MCM7: variants seen among roughly 807,000 people sequenced by gnomAD.
MCM7 encodes the protein minichromosome maintenance complex component 7.
Under a neutral mutation model 83.5 loss-of-function variants are expected in MCM7, and 95 were observed. The observed-to-expected ratio is 1.14, with a 90% confidence interval of 0.96 to 1.35. The LOEUF (loss-of-function observed/expected upper bound fraction) is 1.35, where lower values mean the gene tolerates loss of function less well. Ranked by LOEUF, MCM7 falls within the 40% of genes most tolerant of loss-of-function variation. The pLI is 0.00. For missense variants in MCM7, 1,087 were observed against 957.4 expected, an observed-to-expected ratio of 1.14 and a Z score of -1.79; for synonymous variants, 461 against 352.7, an observed-to-expected ratio of 1.31 and a Z score of -3.44.
At chr7:100,096,340 C>T (rs1435746315) in intron 10 of MCM7, among the ~76,000 whole-genome samples, 173 bp from the exon 11 acceptor site, 4 of 152,154 alleles carry the variant, frequency 2.6e-5, no homozygotes, top group African/African-American at 9.7e-5. Flanking sequence ...TCCCCCTTCC[C>T]CTCCCACTGG....
Position 100,100,003 on chromosome 7 carries a change from C to T in MCM7, c.111+11G>A. Reference sequence around the variant, plus strand: ...CCGCTCCCCATTCCCTTTACCCAATCTTAGACTTACCAACTGGTTCCCATA... The same window carrying T: ...CCGCTCCCCATTCCCTTTACCCAATTTTAGACTTACCAACTGGTTCCCATA... On this transcript the variant is annotated intron_variant, in intron 2 of 14. Transcript: ENST00000303887. The T allele has an allele frequency of 1.9e-6, 3 of 1,612,832 alleles. No individual in the cohort carries two copies. Among genetic ancestry groups the T allele is most frequent in the South Asian group, 1.1e-5 (1 of 91,034 alleles).
At position 100,101,277 on chromosome 7, in the gene MCM7, G is replaced by C; in HGVS notation, c.18C>G (p.Tyr6Ter). 7.4e-6 allele frequency: 12 copies of C among 1,613,268 alleles called. No individual in the cohort carries two copies. Among genetic ancestry groups the C allele is most frequent in the Non-Finnish European group, 1.0e-5 (12 of 1,179,908 alleles). MALKD[Y>*]ALEKEKVKKF... ...GTAGACCCGTACCCTTCTCTAGCGC[G>C]TAGTCCTTCAGTGCCATCGCTGCCG... Residue 6 changes from tyrosine to a stop codon, truncating the protein, a stop_gained, in exon 1 of 15, where the codon TAC becomes TAG. Coordinates refer to ENST00000303887, the MANE Select transcript of MCM7 (RefSeq NM_005916.5). LOFTEE classifies it high-confidence loss of function.
intron 10 of MCM7, 81 bp from the exon 11 acceptor site, chr7:100,096,248 G>A (rs1795630824): frequency 7.2e-6 from 10 of 1,394,670 alleles, no homozygotes; most frequent in South Asian, 1.5e-5. Context: ...GGGCCAGGGA[G>A]GCGAGGCCTG....
At chr7:100,097,149 T>C in intron 10 of MCM7, 152 bp downstream of exon 10, 1 of 678,526 alleles carries the variant, frequency 1.5e-6, no homozygotes, top group Non-Finnish European at 2.5e-6. Flanking sequence ...ATGGAAGCGG[T>C]CTCAAAATCC....
chr7:100,100,976 C>T, intron 1 of MCM7: 3 of 959,914 alleles, frequency 3.1e-6, no homozygotes, highest in South Asian at 1.9e-5. Flanking sequence ...CTGGGCGCGA[C>T]TTTTCCCTGT....
intron 13 of MCM7, chr7:100,093,934 T>G (rs370848678): frequency 1.0e-4 from 72 of 706,726 alleles, no homozygotes; most frequent in Non-Finnish European, 1.8e-4. Context: ...CCAACCACCC[T>G]CTCAGTGAAG....
Position 100,094,166 on chromosome 7 carries a change from C to T in MCM7, c.1848+7G>A. 1 of 1,614,164 alleles carries T rather than the reference C, an allele frequency of 6.2e-7. No homozygotes were observed. Among genetic ancestry groups the T allele is most frequent in the Non-Finnish European group, 8.5e-7 (1 of 1,179,998 alleles). On this transcript the variant is annotated splice_region_variant and intron_variant, in intron 13 of 14. Transcript: ENST00000303887. ...ACAGATGGCCCTCCAGCAATTTGGG[C>T]ACTTACCAGAGCAGTGGAAAGGCGC...
At chr7:100,094,414 T>C in intron 12 of MCM7, 73 bp from the exon 13 acceptor site, 4 of 1,562,316 alleles carry the variant, frequency 2.6e-6, no homozygotes, top group Admixed American at 1.7e-5. Context: ...CATGTTGTTT[T>C]CTGTACCAGG....
intron 8 of MCM7, 34 bp from the exon 9 acceptor site, chr7:100,097,779 G>A: frequency 6.2e-7 from 1 of 1,613,936 alleles, no homozygotes; most frequent in Non-Finnish European, 8.5e-7. Flanking sequence ...TATTTTCTGG[G>A]GGAAAAGGGA....
At chr7:100,100,566 T>A in intron 1 of MCM7, 3 of 991,932 alleles carry the variant, frequency 3.0e-6, no homozygotes, top group Non-Finnish European at 3.6e-6. Context: ...TCCAGCCGCT[T>A]CACAGCTCGG....
intron 12 of MCM7, 114 bp downstream of exon 12, chr7:100,095,273 C>T (rs1795558796): frequency 1.1e-6 from 1 of 881,990 alleles, no homozygotes; most frequent in Non-Finnish European, 1.9e-6. Flanking sequence ...CTGGACATGT[C>T]TGTAGCGGGA....
In MCM7 at chr7:100,097,795, G is replaced by C. The variant is rs1795721321; in HGVS notation, c.985+39C>G. ...ATTTTCTGGGGGAAAAGGGAGCTAG[G>C]ATGTAAACGGAATTTCCTCTCTCTC... On this transcript the variant is annotated intron_variant, in intron 8 of 14. Coordinates refer to ENST00000303887, the MANE Select transcript of MCM7 (RefSeq NM_005916.5). The C allele has an allele frequency of 2.5e-6, 4 of 1,613,860 alleles. No individual in the cohort carries two copies. The Admixed American group carries it at 6.7e-5, about 27-fold the overall frequency.
At chr7:100,098,936 A>G in intron 5 of MCM7, 87 bp downstream of exon 5, 2 of 1,555,184 alleles carry the variant, frequency 1.3e-6, no homozygotes, top group South Asian at 2.3e-5. Flanking sequence ...TTACAACCAA[A>G]TAAAACAATA....
In MCM7 at chr7:100,098,595, TCTC is replaced by T. The variant is rs749916567; in HGVS notation, c.700_702del (p.Glu234del). ...AAACTCACATGTTCTTGCATCTTCATCTCCTGGAATTTGATGAATCTGGAGCCC... is the reference window on the plus strand; with the variant it reads ...AAACTCACATGTTCTTGCATCTTCATCTGGAATTTGATGAATCTGGAGCCC... On this transcript the variant is annotated inframe_deletion, in exon 6 of 15. Coordinates refer to ENST00000303887, the MANE Select transcript of MCM7 (RefSeq NM_005916.5). The T allele has an allele frequency of 1.9e-6, 3 of 1,614,058 alleles. No homozygotes were observed. The highest frequency in any genetic ancestry group is 1.3e-5 in the African/African-American group (1 of 74,914).
intron 1 of MCM7, chr7:100,100,595 G>T: frequency 1.0e-6 from 1 of 990,224 alleles, no homozygotes; most frequent in African/African-American, 1.7e-5. Flanking sequence ...CGCCCAGGGC[G>T]GGAGCCAGTC....
intron 10 of MCM7, among the ~76,000 whole-genome samples, chr7:100,096,733 C>A (rs1464692911): frequency 6.6e-6 from 1 of 151,790 alleles, no homozygotes; most frequent in Non-Finnish European, 1.5e-5. Context: ...CAAGACCATG[C>A]CATTGCACTC....
At position 100,099,650 on chromosome 7, in the gene MCM7, C is replaced by T. The variant is rs760332743; in HGVS notation, c.215G>A (p.Arg72His). ...GGCATCAGCAAAGAGCTTCGCGTAGCGCCTGGCATTCTCACAAATTGAGTC... is the reference window on the plus strand; with the variant it reads ...GGCATCAGCAAAGAGCTTCGCGTAGTGCCTGGCATTCTCACAAATTGAGTC... ...LVDSICENAR[R>H]YAKLFADAVQ... Residue 72 changes from arginine to histidine, a missense_variant, in exon 3 of 15, where the codon CGC becomes CAC. Coordinates refer to ENST00000303887, the MANE Select transcript of MCM7 (RefSeq NM_005916.5). The T allele has an allele frequency of 2.5e-6, 4 of 1,614,190 alleles. No homozygotes were observed. The highest frequency in any genetic ancestry group is 1.3e-5 in the African/African-American group (1 of 75,058).
At chr7:100,093,527 G>A (rs1302226080) in intron 13 of MCM7, 126 bp from the exon 14 acceptor site, 2 of 861,142 alleles carry the variant, frequency 2.3e-6, no homozygotes, top group Non-Finnish European at 2.0e-6. Flanking sequence ...AACAGGAGTG[G>A]AATCCCCCCT....
rs1795743996 is a variant in MCM7 at position 100,098,132 on chromosome 7, C to T, written c.870+9G>A. The T allele has an allele frequency of 1.9e-6, 3 of 1,613,790 alleles. No individual in the cohort carries two copies. Among genetic ancestry groups the T allele is most frequent in the African/African-American group, 1.3e-5 (1 of 75,042 alleles). ...GATGATCCATTCCTCATGTCAAACT[C>T]TTCCTTACCTGTACCACCTGTCGGA... On this transcript the variant is annotated intron_variant, in intron 7 of 14. Coordinates refer to ENST00000303887, the MANE Select transcript of MCM7 (RefSeq NM_005916.5).
Sources: allele counts gnomAD v4.1 joint callset (sites outside exome capture counted in the v4.1 genomes callset), GRCh38; gene constraint gnomAD v4.1.1; transcripts MANE v1.5; gene names NCBI Gene and HGNC (gene_info 2026-07-23, HGNC 2026-07-21).